Variants in REC8 observed in about 807,000 individuals in gnomAD.
REC8 encodes meiotic recombination protein REC8 homolog.
REC8 carries 42 observed loss-of-function variants against 78.3 expected under a neutral mutation model. The ratio of observed to expected loss-of-function variants is 0.54; its 90% CI spans 0.42 to 0.69. REC8 has a LOEUF of 0.69. Ranked by LOEUF, REC8 falls within the 30% of genes least tolerant of loss-of-function variation. The probability of loss-of-function intolerance (pLI) is 0.00; values close to 1 mark genes in which losing one functional copy is unlikely to be tolerated. For synonymous variants in REC8, 268 were observed against 274.1 expected, an observed-to-expected ratio of 0.98 and a Z score of 0.22; for missense variants, 581 against 715.8, an observed-to-expected ratio of 0.81 and a Z score of 2.15.
intron 8 of REC8, 28 bp downstream of exon 8, chr14:24,177,250 G>C (rs372396715): frequency 6.2e-7 from 1 of 1,612,126 alleles, no homozygotes; most frequent in South Asian, 1.1e-5. Flanking sequence ...CGTAGGGCCC[G>C]CCTGGAGCTG....
chr14:24,180,831 G>A, downstream of REC8: 2 of 1,328,146 alleles, frequency 1.5e-6, no homozygotes, highest in African/African-American at 2.9e-5. Context: ...CAGGACCAAG[G>A]AGTGGCAGAA....
intron 11 of REC8, 154 bp from the exon 12 acceptor site, chr14:24,177,937 C>T: frequency 2.0e-6 from 3 of 1,501,128 alleles, no homozygotes; most frequent in Non-Finnish European, 2.7e-6. Flanking sequence ...TACCCTTATG[C>T]AAGGTATGAG....
At chr14:24,176,931 T>C (rs1312868819) in intron 7 of REC8, 30 bp downstream of exon 7, 1 of 1,564,766 alleles carries the variant, frequency 6.4e-7, no homozygotes, top group Admixed American at 1.7e-5. Context: ...GGGCCTGAGG[T>C]CCAGCCCCCT....
rs2038955401 is a variant in REC8 at position 24,177,549 on chromosome 14, C to G, written c.814+8C>G. The G allele has an allele frequency of 1.2e-6, 2 of 1,609,864 alleles. No individual in the cohort carries two copies. The highest frequency in any genetic ancestry group is 1.7e-6 in the Non-Finnish European group (2 of 1,177,796). ...CTGGGGCCCTACTCATGGGTGAGTG[C>G]CCACCATGCCCCAGGGGCTTTTCTG... On this transcript the variant is annotated splice_region_variant and intron_variant, in intron 10 of 18. Transcript: ENST00000611366.
At chr14:24,180,592 G>C (rs1171878090), downstream of REC8, 1 of 1,612,700 alleles carries the variant, frequency 6.2e-7, no homozygotes, top group Non-Finnish European at 8.5e-7. Context: ...GAGGGAGGGA[G>C]AAAGGTCGGG....
chr14:24,176,703 G>A (rs1200998964), intron 6 of REC8, 119 bp from the exon 7 acceptor site: 2 of 753,424 alleles, frequency 2.7e-6, no homozygotes, highest in East Asian at 2.7e-5. Context: ...CCAGAGATTA[G>A]CCTGGGTCTG....
At chr14:24,180,598 T>C (rs1391687535), downstream of REC8, 1 of 1,612,166 alleles carries the variant, frequency 6.2e-7, no homozygotes. Flanking sequence ...GGGAGAAAGG[T>C]CGGGGCTCCT....
rs775488591 is a variant in REC8 at position 24,177,332 on chromosome 14, ACT to A, written c.707-18_707-17del. ...CCATTTCTCTTTTTCTGTCCTCTGA[ACT>A]CTGATTCTCTCTCCACAGTCCCGCG... On this transcript the variant is annotated intron_variant, in intron 8 of 18. Coordinates refer to ENST00000611366, the MANE Select transcript of REC8 (RefSeq NM_001048205.2). 1.2e-6 allele frequency: 2 copies of A among 1,614,010 alleles called. No individual in the cohort carries two copies. The highest frequency in any genetic ancestry group is 1.7e-6 in the Non-Finnish European group (2 of 1,179,968).
At chr14:24,179,754 G>A (rs764365347) in intron 17 of REC8, 28 bp downstream of exon 17, 3 of 1,614,074 alleles carry the variant, frequency 1.9e-6, no homozygotes, top group Non-Finnish European at 2.5e-6. Flanking sequence ...CCTTGATGGG[G>A]TGGACCCGGG....
At chr14:24,180,691 G>C, downstream of REC8, 1 of 1,614,134 alleles carries the variant, frequency 6.2e-7, no homozygotes, top group Non-Finnish European at 8.5e-7. Flanking sequence ...ACCCTCACCT[G>C]GTGGGATCTT....
chr14:24,173,112 C>A lies in REC8; in HGVS notation c.269-14C>A. ...TGCTAAGCTGGCTGTCTACCTCGTCCTCCCTGCCCACAGAGGACATCCAGC... is the reference window on the plus strand; with the variant it reads ...TGCTAAGCTGGCTGTCTACCTCGTCATCCCTGCCCACAGAGGACATCCAGC... On this transcript the variant is annotated splice_polypyrimidine_tract_variant and intron_variant, in intron 3 of 18. Coordinates refer to ENST00000611366, the MANE Select transcript of REC8 (RefSeq NM_001048205.2). 6.2e-7 allele frequency: 1 copy of A among 1,613,818 alleles called. No individual in the cohort carries two copies. The highest frequency in any genetic ancestry group is 8.5e-7 in the Non-Finnish European group (1 of 1,180,046).
Position 24,177,538 on chromosome 14 carries a change from A to AGG in REC8, c.811_812insGG (p.Met271ArgfsTer4). On this transcript the variant is annotated frameshift_variant, in exon 10 of 19. Transcript: ENST00000611366. LOFTEE classifies it high-confidence loss of function. The stretch of plus-strand genomic sequence containing the variant: ...AGGCTGGGAACCTGGGGCCCTACTC[A>AGG]TGGGTGAGTGCCCACCATGCCCCAG... The AGG allele has an allele frequency of 1.2e-6, 2 of 1,613,196 alleles. No homozygotes were observed. Among genetic ancestry groups the AGG allele is most frequent in the Non-Finnish European group, 1.7e-6 (2 of 1,179,368 alleles).
chr14:24,173,760 A>AC lies in REC8; in HGVS notation c.462+354dup, dbSNP rs142003521. On this transcript the variant is annotated intron_variant, in intron 5 of 18. Coordinates refer to ENST00000611366, the MANE Select transcript of REC8 (RefSeq NM_001048205.2). ...CCCAATACTCCTACAGCTTAATGTC[A>AC]CCCCCTTCCTTGGTTCCCCATTTGA... Among the ~76,000 whole-genome samples the AC allele has an allele frequency of 2.0e-3, 306 of 151,888 alleles. 6 individuals are homozygous for AC. The East Asian group carries it at 0.037, about 18-fold the overall frequency.
downstream of REC8, chr14:24,180,445 G>A (rs1308135590): frequency 1.2e-6 from 2 of 1,609,272 alleles, no homozygotes; most frequent in South Asian, 1.1e-5. Context: ...CTGCAGTCTA[G>A]GAGAGGCCCA....
Position 24,173,138 on chromosome 14 carries a change from A to C in REC8, c.281A>C (p.His94Pro). ...TCCCTGCCCACAGAGGACATCCAGC[A>C]CATCTTGGAGCGCCTCCACCGTGCC... The part of the protein sequence containing the change: ...QCQYLVEDIQ[H>P]ILERLHRAQL... The change falls in exon 4 of 19, where the codon CAC becomes CCC. Residue 94 changes from histidine (H) to proline (P), a missense_variant. By Grantham distance (77) the His-to-Pro change is moderately conservative. Coordinates refer to ENST00000611366, the MANE Select transcript of REC8 (RefSeq NM_001048205.2). The C allele has an allele frequency of 1.2e-6, 2 of 1,614,078 alleles. No individual in the cohort carries two copies. Among genetic ancestry groups the C allele is most frequent in the Non-Finnish European group, 1.7e-6 (2 of 1,180,026 alleles).
At chr14:24,179,164 C>T in intron 15 of REC8, 31 bp downstream of exon 15, 3 of 1,531,990 alleles carry the variant, frequency 2.0e-6, no homozygotes, top group South Asian at 1.2e-5. Flanking sequence ...CGCAGTGGGA[C>T]CACACCCTAA....
At chr14:24,176,674 T>C in intron 6 of REC8, 148 bp from the exon 7 acceptor site, 1 of 665,318 alleles carries the variant, frequency 1.5e-6, no homozygotes, top group Non-Finnish European at 2.7e-6. Flanking sequence ...GGTTAAGCAG[T>C]GTACCCAGGG....
At chr14:24,174,814 T>G (rs1281708419) in intron 5 of REC8, among the ~76,000 whole-genome samples, 2 of 152,116 alleles carry the variant, frequency 1.3e-5, no homozygotes, top group African/African-American at 4.8e-5. Context: ...ATCCCAGTCT[T>G]AGCCGGAACC....
rs775757453 is a variant in REC8 at position 24,176,897 on chromosome 14, T to C, written c.620T>C (p.Ile207Thr). The C allele has an allele frequency of 5.0e-6, 8 of 1,612,862 alleles. No homozygotes were observed. In the African/African-American group the frequency reaches 1.1e-4, roughly 22 times the overall value. ...LEAEPIRMLE[I>T]EGERELPEVS... ...GCAGAGCCCATACGGATGCTGGAGA[T>C]TGAGGTGAGTTCCCCTGCACACAGG... Residue 207 changes from isoleucine to threonine, a missense_variant, in exon 7 of 19, where the codon ATT (isoleucine) becomes ACT (threonine). Transcript: ENST00000611366.
Sources: gnomAD v4.1 joint callset for allele counts (sites outside exome capture counted in the v4.1 genomes callset) on GRCh38, gnomAD v4.1.1 for gene constraint, MANE v1.5 for transcripts, NCBI Gene and HGNC (gene_info 2026-07-23, HGNC 2026-07-21) for gene names.